The following TBL1XR1 variants were observed in gnomAD, a reference collection of about 807,000 sequenced individuals.
TBL1XR1 encodes F-box-like/WD repeat-containing protein TBL1XR1.
A neutral mutation model predicts 66.9 loss-of-function variants in TBL1XR1; 5 were observed. That is an observed-to-expected ratio of 0.07 (90% CI 0.04 to 0.16). The LOEUF is 0.16. TBL1XR1 is among the 10% of genes least tolerant of loss of function. TBL1XR1 has a pLI of 1.00. For missense variants in TBL1XR1, 238 were observed against 623.2 expected (o/e 0.38, Z 6.58); for synonymous variants, 210 against 206.0 (o/e 1.02, Z -0.17).
chr3:177,154,894 G>C (rs968684745), intron 1 of TBL1XR1, among the ~76,000 whole-genome samples: 3 of 152,006 alleles, frequency 2.0e-5, no homozygotes, highest in Non-Finnish European at 2.9e-5. Context: ...ATCACACACA[G>C]AGAACAAAAC....
chr3:177,086,482 T>G (rs1194886499), intron 2 of TBL1XR1, among the ~76,000 whole-genome samples: 1 of 152,026 alleles, frequency 6.6e-6, no homozygotes, highest in Non-Finnish European at 1.5e-5. Flanking sequence ...CTGTCTTACA[T>G]ACATACATAC....
intron 3 of TBL1XR1, among the ~76,000 whole-genome samples, chr3:177,056,732 C>A (rs1001997662): frequency 6.8e-6 from 1 of 147,894 alleles, no homozygotes; most frequent in Non-Finnish European, 1.5e-5. Flanking sequence ...ACCTGAAAGT[C>A]ATAGTCATCC....
chr3:177,159,087 T>A (rs746786792), intron 1 of TBL1XR1, among the ~76,000 whole-genome samples: 1 of 152,180 alleles, frequency 6.6e-6, no homozygotes. Context: ...GAATTTTTTA[T>A]TTTTAATTCC....
At chr3:177,044,477 C>T (rs918587509) in intron 10 of TBL1XR1, among the ~76,000 whole-genome samples, 1 of 151,902 alleles carries the variant, frequency 6.6e-6, no homozygotes, top group South Asian at 2.1e-4. Context: ...CTGTATGATC[C>T]CAATCATACA....
intron 3 of TBL1XR1, among the ~76,000 whole-genome samples, chr3:177,062,567 T>TA (rs1718653509): frequency 6.6e-6 from 1 of 152,198 alleles, no homozygotes; most frequent in Non-Finnish European, 1.5e-5. Flanking sequence ...TCTTTCCCTA[T>TA]AAATCATAAT....
intron 1 of TBL1XR1, among the ~76,000 whole-genome samples, chr3:177,153,103 C>A (rs559321048): frequency 2.6e-5 from 4 of 152,218 alleles, no homozygotes; most frequent in African/African-American, 9.6e-5. Context: ...CCACTGCACT[C>A]TAGCCTGGGC....
At chr3:177,197,853 C>T (rs1737116971), upstream of TBL1XR1, among the ~76,000 whole-genome samples, 1 of 147,982 alleles carries the variant, frequency 6.8e-6, no homozygotes, top group South Asian at 2.1e-4. Flanking sequence ...GCCGCCCGCC[C>T]CGCCCCCACC....
chr3:177,109,981 C>G (rs889815179), intron 1 of TBL1XR1, among the ~76,000 whole-genome samples: 14 of 152,174 alleles, frequency 9.2e-5, no homozygotes, highest in Admixed American at 7.9e-4. Context: ...ACCTAGAACA[C>G]TTCCTTATTC....
Position 177,044,499 on chromosome 3 carries a change from T to C in TBL1XR1, c.925+1630A>G, listed in dbSNP as rs1301728597. Reference sequence around the variant, plus strand: ...ATCCCAATCATACAATGTAATCTAATCTCTGGGGATGGGAGAGAGATATCA... The same window carrying C: ...ATCCCAATCATACAATGTAATCTAACCTCTGGGGATGGGAGAGAGATATCA... On this transcript the variant is annotated intron_variant, in intron 10 of 15. Transcript: ENST00000457928. 3.3e-5 allele frequency among the ~76,000 whole-genome samples: 5 copies of C among 152,086 alleles called. No homozygotes were observed. In the South Asian group the frequency reaches 1.0e-3, roughly 32 times the overall value.
chr3:177,077,884 G>C (rs1720889060), intron 2 of TBL1XR1, among the ~76,000 whole-genome samples: 1 of 152,214 alleles, frequency 6.6e-6, no homozygotes, highest in South Asian at 2.1e-4. Flanking sequence ...TTATTGACCA[G>C]AAGTCAGAAC....
chr3:177,174,735 T>C (rs1359348497), intron 1 of TBL1XR1, among the ~76,000 whole-genome samples: 1 of 152,204 alleles, frequency 6.6e-6, no homozygotes, highest in East Asian at 1.9e-4. Context: ...TCACACCTAT[T>C]ACACTACTAC....
At chr3:177,054,118 T>C (rs1717503295) in intron 3 of TBL1XR1, among the ~76,000 whole-genome samples, 200 bp from the exon 4 acceptor site, 1 of 152,068 alleles carries the variant, frequency 6.6e-6, no homozygotes, top group African/African-American at 2.4e-5. Flanking sequence ...CTTTACATAC[T>C]TTCTTTTTCT....
intron 1 of TBL1XR1, chr3:177,120,764 T>C (rs1384414415): frequency 2.6e-5 from 4 of 152,276 alleles, no homozygotes; most frequent in African/African-American, 9.6e-5. Flanking sequence ...ACTGACTACA[T>C]AATCAATTGA....
chr3:177,164,036 T>C (rs1460222400), intron 1 of TBL1XR1: 2 of 152,184 alleles, frequency 1.3e-5, no homozygotes, highest in African/African-American at 2.4e-5. Flanking sequence ...ACCAGAGAAT[T>C]ATTAGCAACA....
rs146985583 is a variant in TBL1XR1 at position 177,085,952 on chromosome 3, T to C, written c.-46+12514A>G. 2.6e-3 allele frequency among the ~76,000 whole-genome samples: 390 copies of C among 152,270 alleles called. 1 individual carries two copies. The highest frequency in any genetic ancestry group is 9.0e-3 in the African/African-American group (375 of 41,554). On this transcript the variant is annotated intron_variant, in intron 2 of 15. Transcript: ENST00000457928. ...GGTTCAATTCTTGGTTCTGTAACTA[T>C]GACAAAGTATATGATATGGAATCAC...
chr3:177,083,828 G>A (rs1014870022), intron 2 of TBL1XR1, among the ~76,000 whole-genome samples: 5 of 151,766 alleles, frequency 3.3e-5, no homozygotes, highest in East Asian at 1.9e-4. Context: ...GGTGGCTCAC[G>A]CCTGTAATCC....
chr3:177,080,914 G>C (rs1721314512), intron 2 of TBL1XR1, among the ~76,000 whole-genome samples: 2 of 152,182 alleles, frequency 1.3e-5, no homozygotes, highest in Middle Eastern at 3.4e-3. Context: ...TTGATGCTAA[G>C]GTTCTTACCT....
At chr3:177,124,298 G>A (rs553254794) in intron 1 of TBL1XR1, among the ~76,000 whole-genome samples, 1 of 152,144 alleles carries the variant, frequency 6.6e-6, no homozygotes, top group South Asian at 2.1e-4. Context: ...GGAAATCCTA[G>A]CATAGTCACA....
intron 1 of TBL1XR1, among the ~76,000 whole-genome samples, chr3:177,108,212 A>G (rs767349972): frequency 6.6e-6 from 1 of 152,144 alleles, no homozygotes; most frequent in Non-Finnish European, 1.5e-5. Context: ...TACTATTTAA[A>G]CACTGCCTAC....
Sources: gnomAD v4.1 joint callset for allele counts (sites outside exome capture counted in the v4.1 genomes callset) on GRCh38, gnomAD v4.1.1 for gene constraint, MANE v1.5 for transcripts, NCBI Gene and HGNC (gene_info 2026-07-23, HGNC 2026-07-21) for gene names.